RSU1: variants seen among roughly 807,000 people sequenced by gnomAD.
The protein encoded by RSU1 is rsu-1.
Under a neutral mutation model 31.1 loss-of-function variants are expected in RSU1, and 26 were observed. The observed-to-expected ratio is 0.84, with a 90% CI of 0.61 to 1.16. RSU1 has a LOEUF of 1.16. Among genes scored for constraint, RSU1 ranks in the 50% most tolerant of loss-of-function variants. RSU1 has a pLI of 0.00. For missense variants in RSU1, 320 were observed against 339.1 expected, an observed-to-expected ratio of 0.94 and a Z score of 0.44; for synonymous variants, 164 against 136.3, an observed-to-expected ratio of 1.20 and a Z score of -1.41.
intron 2 of RSU1, among the ~76,000 whole-genome samples, chr10:16,805,562 G>A (rs1346046808): frequency 1.3e-5 from 2 of 150,070 alleles, no homozygotes; most frequent in Non-Finnish European, 3.0e-5. Flanking sequence ...TGTAATCCCA[G>A]TTACTCGGGA....
intron 8 of RSU1, among the ~76,000 whole-genome samples, chr10:16,650,756 T>C (rs1302901282): frequency 6.6e-6 from 1 of 151,534 alleles, no homozygotes; most frequent in African/African-American, 2.4e-5. Context: ...CTTTTTTTTT[T>C]ATTTTTAGCA....
chr10:16,747,017 T>A (rs949120054), intron 7 of RSU1, among the ~76,000 whole-genome samples: 6 of 152,056 alleles, frequency 3.9e-5, no homozygotes, highest in Non-Finnish European at 7.4e-5. Flanking sequence ...CCAACCCCCA[T>A]CTGTCTCATA....
chr10:16,760,792 C>T (rs1366073406), intron 4 of RSU1, among the ~76,000 whole-genome samples: 6 of 152,090 alleles, frequency 3.9e-5, no homozygotes, highest in African/African-American at 1.4e-4. Context: ...ACATGAAGCT[C>T]GTCTTCTTAT....
intron 4 of RSU1, among the ~76,000 whole-genome samples, chr10:16,757,284 G>A (rs544990981): frequency 6.6e-6 from 1 of 152,138 alleles, no homozygotes; most frequent in African/African-American, 2.4e-5. Context: ...GATACTGAAA[G>A]GTGGAAGGGA....
At chr10:16,774,641 G>A (rs897424167) in intron 3 of RSU1, among the ~76,000 whole-genome samples, 26 of 152,140 alleles carry the variant, frequency 1.7e-4, no homozygotes, top group African/African-American at 5.6e-4. Flanking sequence ...ATCTTCATCC[G>A]ATTCTGGAGT....
intron 8 of RSU1, among the ~76,000 whole-genome samples, chr10:16,626,431 G>T (rs563171222): frequency 7.9e-5 from 12 of 152,250 alleles, no homozygotes; most frequent in African/African-American, 2.6e-4. Context: ...CTCCCAAAGT[G>T]CTGGGATTAT....
intron 7 of RSU1, among the ~76,000 whole-genome samples, chr10:16,734,115 T>C (rs1012671671): frequency 5.9e-5 from 9 of 152,258 alleles, no homozygotes; most frequent in African/African-American, 2.2e-4. Context: ...GCAATTTATA[T>C]AACTGACTGC....
At chr10:16,598,955 C>A (rs74981804) in intron 8 of RSU1, among the ~76,000 whole-genome samples, 6 of 152,060 alleles carry the variant, frequency 3.9e-5, no homozygotes, top group East Asian at 1.9e-4. Context: ...AGAACCAAGA[C>A]GCAGAGAGGC....
chr10:16,618,445 A>G (rs553377584), intron 8 of RSU1, among the ~76,000 whole-genome samples: 2 of 152,358 alleles, frequency 1.3e-5, no homozygotes, highest in African/African-American at 4.8e-5. Context: ...AGAACCAAAA[A>G]TACCATTTGA....
intron 3 of RSU1, among the ~76,000 whole-genome samples, 168 bp downstream of exon 3, chr10:16,781,866 C>A (rs1837658581): frequency 6.6e-6 from 1 of 152,096 alleles, no homozygotes; most frequent in Admixed American, 6.5e-5. Flanking sequence ...TACAAAAGGA[C>A]AAAATACAGG....
intron 1 of RSU1, 71 bp downstream of exon 1, chr10:16,817,244 T>TAGGGCAG: frequency 1.6e-6 from 1 of 616,586 alleles, no homozygotes; most frequent in Non-Finnish European, 2.9e-6. Flanking sequence ...GGGGATGGAG[T>TAGGGCAG]GGGAAGGGTT....
intron 4 of RSU1, among the ~76,000 whole-genome samples, chr10:16,757,067 G>A (rs1564346095): frequency 6.9e-6 from 1 of 144,026 alleles, no homozygotes; most frequent in Non-Finnish European, 1.5e-5. Context: ...TTTGTACACG[G>A]TATGTGTGTG....
chr10:16,758,642 AAG>A (rs1241545041), intron 4 of RSU1, among the ~76,000 whole-genome samples: 2 of 152,332 alleles, frequency 1.3e-5, no homozygotes, highest in African/African-American at 4.8e-5. Context: ...CTGAGAGGAT[AAG>A]AGAGAAAATA....
At chr10:16,738,817 C>T (rs1000622214) in intron 7 of RSU1, among the ~76,000 whole-genome samples, 11 of 152,010 alleles carry the variant, frequency 7.2e-5, no homozygotes, top group South Asian at 2.1e-4. Context: ...GGTTTTCAGC[C>T]GCACATGCAT....
intron 8 of RSU1, among the ~76,000 whole-genome samples, chr10:16,650,774 G>C (rs1029239878): frequency 1.3e-5 from 2 of 151,836 alleles, no homozygotes; most frequent in Non-Finnish European, 2.9e-5. Context: ...GCAGAGATGA[G>C]GTTTCACCGT....
At chr10:16,744,968 A>C (rs976816711) in intron 7 of RSU1, among the ~76,000 whole-genome samples, 5 of 152,062 alleles carry the variant, frequency 3.3e-5, no homozygotes, top group African/African-American at 4.8e-5. Context: ...TCTTTTATCC[A>C]CAGGATACAC....
intron 8 of RSU1, among the ~76,000 whole-genome samples, chr10:16,604,421 G>T (rs568779137): frequency 6.6e-6 from 1 of 152,200 alleles, no homozygotes; most frequent in South Asian, 2.1e-4. Context: ...TTCTGTGGAT[G>T]CCCTGGCGGG....
chr10:16,595,649 C>A (rs1833598238), intron 8 of RSU1, among the ~76,000 whole-genome samples: 2 of 152,140 alleles, frequency 1.3e-5, no homozygotes, highest in South Asian at 4.1e-4. Flanking sequence ...GAGACAGTAG[C>A]CCTGTCCTGA....
intron 2 of RSU1, among the ~76,000 whole-genome samples, chr10:16,791,914 G>A (rs944635226): frequency 6.6e-6 from 1 of 152,110 alleles, no homozygotes; most frequent in Non-Finnish European, 1.5e-5. Context: ...TGGCAAATTA[G>A]GAAGCAAATG....
Sources: allele counts gnomAD v4.1 joint callset (sites outside exome capture counted in the v4.1 genomes callset), GRCh38; gene constraint gnomAD v4.1.1; transcripts MANE v1.5; gene names NCBI Gene and HGNC (gene_info 2026-07-23, HGNC 2026-07-21).